SRF: variants seen among roughly 807,000 people sequenced by gnomAD.
SRF encodes the protein serum response factor.
Under a neutral mutation model 37.1 loss-of-function variants are expected in SRF, and 7 were observed. The observed-to-expected ratio is 0.19, with a 90% CI of 0.11 to 0.35. SRF has a LOEUF of 0.35. Ranked by LOEUF, SRF falls within the 10% of genes least tolerant of loss-of-function variation. The pLI, the probability that SRF is intolerant of heterozygous loss-of-function variation, is 1.00. For missense variants in SRF, 395 were observed against 694.4 expected (o/e 0.57, Z 4.85); for synonymous variants, 285 against 310.1 (o/e 0.92, Z 0.85).
In SRF at chr6:43,177,228, G is replaced by GTTTTTTTTGTTTT. The variant is rs1772214917; in HGVS notation, c.1162+569_1162+570insGTTTTTTTTTTTT. Among the ~76,000 whole-genome samples the GTTTTTTTTGTTTT allele has an allele frequency of 1.7e-5, 2 of 116,848 alleles. 1 individual carries two copies. Among genetic ancestry groups the GTTTTTTTTGTTTT allele is most frequent in the African/African-American group, 7.6e-5 (2 of 26,164 alleles). The allele number at this position is 116,848 out of a possible 152,430, so 76.7% of individuals were successfully genotyped here. A position where few individuals can be genotyped will look rare whatever the true frequency, so the allele number is the denominator to read the frequency against. On this transcript the variant is annotated intron_variant, in intron 4 of 6. Transcript: ENST00000265354. ...CCCCAAACCTAGTGAATCGGAGTCT[G>GTTTTTTTTGTTTT]TTTTTTTTTTTTTTTTTGAGACGGA...
rs1288820480 is a variant in SRF at position 43,178,498 on chromosome 6, G to A, written c.1354+13G>A. Reference sequence around the variant, plus strand: ...GTCCAGGAGCCAGGTGAGTAGAGGAGCAGGGCTAAGGAAAGGAGGACCGTT... The same window carrying A: ...GTCCAGGAGCCAGGTGAGTAGAGGAACAGGGCTAAGGAAAGGAGGACCGTT... On this transcript the variant is annotated intron_variant, in intron 5 of 6. Coordinates refer to ENST00000265354, the MANE Select transcript of SRF (RefSeq NM_003131.4). This position sits in a 1 kb window ranked among gnomAD's most constrained non-coding sequence, Gnocchi z 4.3. 5 of 1,609,550 alleles carry A rather than the reference G, an allele frequency of 3.1e-6. No homozygotes were observed. Among genetic ancestry groups the A allele is most frequent in the Non-Finnish European group, 4.2e-6 (5 of 1,176,560 alleles).
At position 43,172,530 on chromosome 6, in the gene SRF, C is replaced by T. The variant is rs1772128484; in HGVS notation, c.513+361C>T. The T allele has an allele frequency of 2.2e-6, 2 of 927,530 alleles. No homozygotes were observed. The highest frequency in any genetic ancestry group is 6.2e-5 in the Admixed American group (1 of 16,204). The allele number at this position is 927,530 out of a possible 1,614,324, so 57.5% of individuals were successfully genotyped here. Reference sequence around the variant, plus strand: ...ACCCGGGATCAGTAGGTCCAGTGCACTCCGGTGTTCGGACGAGGGCGCCGG... The same window carrying T: ...ACCCGGGATCAGTAGGTCCAGTGCATTCCGGTGTTCGGACGAGGGCGCCGG... On this transcript the variant is annotated intron_variant, in intron 1 of 6. Coordinates refer to ENST00000265354, the MANE Select transcript of SRF (RefSeq NM_003131.4). This position sits in a 1 kb window ranked among gnomAD's most constrained non-coding sequence, Gnocchi z 5.7.
chr6:43,176,840 A>G lies in SRF; in HGVS notation c.1162+173A>G, dbSNP rs140003532. Among the ~76,000 whole-genome samples, 3 of 152,286 alleles carry G rather than the reference A, an allele frequency of 2.0e-5. No individual in the cohort carries two copies. The highest frequency in any genetic ancestry group is 3.9e-4 in the East Asian group (2 of 5,178). On this transcript the variant is annotated intron_variant, in intron 4 of 6. Coordinates refer to ENST00000265354, the MANE Select transcript of SRF (RefSeq NM_003131.4). This position sits in a 1 kb window ranked among gnomAD's most constrained non-coding sequence, Gnocchi z 4.0. Reference sequence around the variant, plus strand: ...TCAGGTGAGGATGACTGGGTTTTGAATCCCGCCCTGCAGTGGGCTGCGGAT... The same window carrying G: ...TCAGGTGAGGATGACTGGGTTTTGAGTCCCGCCCTGCAGTGGGCTGCGGAT...
intron 4 of SRF, among the ~76,000 whole-genome samples, chr6:43,177,832 A>G (rs1451011789): frequency 6.7e-6 from 1 of 150,232 alleles, no homozygotes; most frequent in African/African-American, 2.4e-5. Context: ...GGAGAATGGC[A>G]TGAGCCCAGG....
intron 2 of SRF, 146 bp from the exon 3 acceptor site, chr6:43,175,560 C>G: frequency 9.7e-7 from 1 of 1,035,188 alleles, no homozygotes; most frequent in Non-Finnish European, 1.4e-6. Flanking sequence ...CAATAACTTA[C>G]CTAAGAGTCA....
intron 4 of SRF, among the ~76,000 whole-genome samples, chr6:43,177,228 G>GGTTTTTTTTTTTTTTTTTTTTT (rs1772214430): frequency 8.6e-6 from 1 of 116,848 alleles, no homozygotes; most frequent in African/African-American, 3.8e-5. Context: ...ATCGGAGTCT[G>GGTTTTTTTTTTTTTTTTTTTTT]TTTTTTTTTT....
Position 43,171,549 on chromosome 6 carries a change from G to T in SRF, c.-108G>T. On this transcript the variant is annotated 5_prime_UTR_variant, in exon 1 of 7. Transcript: ENST00000265354. The surrounding 1 kb of genome is among the most constrained non-coding windows in gnomAD (Gnocchi z 6.5). ...AGCGGCGGCCGCGGCAGCGATAGCG[G>T]CACTAGCAGCAGCGGGAGTGCCGGG... 8.9e-7 allele frequency: 1 copy of T among 1,117,772 alleles called. No homozygotes were observed. The allele number at this position is 1,117,772 out of a possible 1,614,324, so 69.2% of individuals were successfully genotyped here.
rs973152607 is a variant in SRF at position 43,181,305 on chromosome 6, G to T, written c.*2115G>T. ...CGACCCTTGGTGTTTCCCTTCCTCG[G>T]TGGCTCTGGGGTATGTGTGTGTGGG... is the stretch of plus-strand genomic sequence containing the variant. On this transcript the variant is annotated 3_prime_UTR_variant, in exon 7 of 7. Coordinates refer to ENST00000265354, the MANE Select transcript of SRF (RefSeq NM_003131.4). The T allele has an allele frequency of 2.6e-5, 4 of 152,824 alleles. No individual in the cohort carries two copies. The highest frequency in any genetic ancestry group is 7.3e-5 in the African/African-American group (3 of 41,364). The allele number at this position is 152,824 out of a possible 1,614,324, so 9.5% of individuals were successfully genotyped here. A position where few individuals can be genotyped will look rare whatever the true frequency, so the allele number is the denominator to read the frequency against.
At chr6:43,177,222 G>T (rs1345491840) in intron 4 of SRF, among the ~76,000 whole-genome samples, 1 of 123,946 alleles carries the variant, frequency 8.1e-6, no homozygotes, top group Non-Finnish European at 1.6e-5. Flanking sequence ...TAGTGAATCG[G>T]AGTCTGTTTT....
Position 43,172,197 on chromosome 6 carries a change from C to T in SRF, c.513+28C>T, listed in dbSNP as rs1772121339. The T allele has an allele frequency of 1.9e-6, 3 of 1,597,946 alleles. No individual in the cohort carries two copies. The highest frequency in any genetic ancestry group is 1.7e-4 in the Middle Eastern group (1 of 5,868). ...ACCAAGCCGGGGGGCTGGCCGGCCC[C>T]GGGGCCCGGTTGGGGTGGGGATGTG... On this transcript the variant is annotated intron_variant, in intron 1 of 6. Coordinates refer to ENST00000265354, the MANE Select transcript of SRF (RefSeq NM_003131.4). The surrounding 1 kb of genome is among the most constrained non-coding windows in gnomAD (Gnocchi z 5.7).
Position 43,178,050 on chromosome 6 carries a change from A to G in SRF, c.1163-244A>G, listed in dbSNP as rs1206038795. Among the ~76,000 whole-genome samples, 2 of 152,200 alleles carry G rather than the reference A, an allele frequency of 1.3e-5. No homozygotes were observed. The highest frequency in any genetic ancestry group is 6.5e-5 in the Admixed American group (1 of 15,280). ...GTTTTTCCCAAGATTTAGGACTTAGAGAATTCAGTAGATAGACAATTGAAT... is the reference window on the plus strand; with the variant it reads ...GTTTTTCCCAAGATTTAGGACTTAGGGAATTCAGTAGATAGACAATTGAAT... On this transcript the variant is annotated intron_variant, in intron 4 of 6. Transcript: ENST00000265354. This position sits in a 1 kb window ranked among gnomAD's most constrained non-coding sequence, Gnocchi z 4.3.
chr6:43,181,432 A>T lies in SRF; in HGVS notation c.*2242A>T, dbSNP rs1772338575. 1.3e-5 allele frequency: 2 copies of T among 152,564 alleles called. No homozygotes were observed. Among genetic ancestry groups the T allele is most frequent in the African/African-American group, 4.8e-5 (2 of 41,378 alleles). 9.5% of individuals were successfully genotyped at this position (152,564 alleles called of 1,614,324 possible). On this transcript the variant is annotated 3_prime_UTR_variant, in exon 7 of 7. Coordinates refer to ENST00000265354, the MANE Select transcript of SRF (RefSeq NM_003131.4). ...ACCCAGGAATAGTGGACATGGTCAC[A>T]GTCCTATGTACAGAGCTTTCTTTTG...
Position 43,172,257 on chromosome 6 carries a change from G to C in SRF, c.513+88G>C. ...CCCGGGAGGACCGCAGAGCCGAGGC[G>C]GAGGTGAGAGGCTGCGAGTCCGCAG... is the stretch of plus-strand genomic sequence containing the variant. On this transcript the variant is annotated intron_variant, in intron 1 of 6. Coordinates refer to ENST00000265354, the MANE Select transcript of SRF (RefSeq NM_003131.4). The surrounding 1 kb of genome is among the most constrained non-coding windows in gnomAD (Gnocchi z 5.7). 6.6e-7 allele frequency: 1 copy of C among 1,511,812 alleles called. No individual in the cohort carries two copies. The highest frequency in any genetic ancestry group is 2.5e-5 in the East Asian group (1 of 39,592). The allele number at this position is 1,511,812 out of a possible 1,614,324, so 93.6% of individuals were successfully genotyped here. A position where few individuals can be genotyped will look rare whatever the true frequency, so the allele number is the denominator to read the frequency against.
Position 43,177,505 on chromosome 6 carries a change from C to T in SRF, c.1163-789C>T, listed in dbSNP as rs552413334. 3.3e-5 allele frequency among the ~76,000 whole-genome samples: 5 copies of T among 151,040 alleles called. 1 individual carries two copies. The South Asian group carries it at 1.1e-3, about 32-fold the overall frequency. On this transcript the variant is annotated intron_variant, in intron 4 of 6. Transcript: ENST00000265354. ...TCGGCCTCTCAAAGTGCTGGGATTA[C>T]AGGCCTGAGCCACCGCACCCGGCCC...
chr6:43,178,977 T>C lies in SRF; in HGVS notation c.1431+95T>C. 6.4e-7 allele frequency: 1 copy of C among 1,564,688 alleles called. No individual in the cohort carries two copies. The highest frequency in any genetic ancestry group is 8.8e-7 in the Non-Finnish European group (1 of 1,135,596). On this transcript the variant is annotated intron_variant, in intron 6 of 6. Transcript: ENST00000265354. The surrounding 1 kb of genome is among the most constrained non-coding windows in gnomAD (Gnocchi z 4.3). ...ACCAGTTCATCAAAGCCAAAATCCC[T>C]AGCCTGGAAGCCCATCTGCTTTTCT...
chr6:43,176,130 A>C lies in SRF; in HGVS notation c.1042+163A>C, dbSNP rs1019216793. 6.6e-6 allele frequency among the ~76,000 whole-genome samples: 1 copy of C among 152,172 alleles called. No individual in the cohort carries two copies. Among genetic ancestry groups the C allele is most frequent in the Non-Finnish European group, 1.5e-5 (1 of 68,024 alleles). ...AGCCTCTTATATCCCGTTGGCAGGC[A>C]TACCTCTGCCCACTGAGACCCCTGC... On this transcript the variant is annotated intron_variant, in intron 3 of 6. Coordinates refer to ENST00000265354, the MANE Select transcript of SRF (RefSeq NM_003131.4). The surrounding 1 kb of genome is among the most constrained non-coding windows in gnomAD (Gnocchi z 4.0).
rs1488217502 is a variant in SRF, at chr6:43,178,737, A to G, written c.1355-69A>G. On this transcript the variant is annotated intron_variant, in intron 5 of 6. Coordinates refer to ENST00000265354, the MANE Select transcript of SRF (RefSeq NM_003131.4). This position sits in a 1 kb window ranked among gnomAD's most constrained non-coding sequence, Gnocchi z 4.3. ...ACTGCCCCAGTCACTTGTGCATTTG[A>G]CACCACTCCTCCAATATCTGGAAGT... The G allele has an allele frequency of 6.5e-7, 1 of 1,532,844 alleles. No individual in the cohort carries two copies. Among genetic ancestry groups the G allele is most frequent in the East Asian group, 2.3e-5 (1 of 44,432 alleles). 95.0% of individuals were successfully genotyped at this position (1,532,844 alleles called of 1,614,324 possible).
At chr6:43,175,578 G>C in intron 2 of SRF, 128 bp from the exon 3 acceptor site, 1 of 1,235,114 alleles carries the variant, frequency 8.1e-7, no homozygotes, top group Non-Finnish European at 1.2e-6. Flanking sequence ...TCAGGCATCA[G>C]GTAAATGGTG....
chr6:43,178,670 C>T lies in SRF; in HGVS notation c.1355-136C>T, dbSNP rs1159625315. On this transcript the variant is annotated intron_variant, in intron 5 of 6. Coordinates refer to ENST00000265354, the MANE Select transcript of SRF (RefSeq NM_003131.4). The surrounding 1 kb of genome is among the most constrained non-coding windows in gnomAD (Gnocchi z 4.3). Reference sequence around the variant, plus strand: ...GGACACTCACACCCGCATGCACCCTCAGACACACTGGCACCCTTTCCCTTG... The same window carrying T: ...GGACACTCACACCCGCATGCACCCTTAGACACACTGGCACCCTTTCCCTTG... 4 of 1,229,186 alleles carry T rather than the reference C, an allele frequency of 3.3e-6. No individual in the cohort carries two copies. The highest frequency in any genetic ancestry group is 4.7e-6 in the Non-Finnish European group (4 of 847,352). 76.1% of individuals were successfully genotyped at this position (1,229,186 alleles called of 1,614,324 possible).
Sources: allele counts gnomAD v4.1 joint callset (sites outside exome capture counted in the v4.1 genomes callset), GRCh38; gene constraint gnomAD v4.1.1; non-coding constraint Gnocchi (gnomAD v3.1); transcripts MANE v1.5; gene names NCBI Gene and HGNC (gene_info 2026-07-23, HGNC 2026-07-21).